GTF2I: variants seen among roughly 807,000 people sequenced by gnomAD.
GTF2I encodes general transcription factor II-I.
Under a neutral mutation model 67.6 loss-of-function variants are expected in GTF2I, and 12 were observed. That is an observed-to-expected ratio of 0.18 (90% CI 0.11 to 0.29). The LOEUF is 0.29. GTF2I is among the 10% of genes least tolerant of loss of function. The pLI, the probability that GTF2I is intolerant of heterozygous loss-of-function variation, is 1.00. For synonymous variants in GTF2I, 149 were observed against 197.0 expected, an observed-to-expected ratio of 0.76 and a Z score of 2.04; for missense variants, 271 against 580.1, an observed-to-expected ratio of 0.47 and a Z score of 5.47.
At position 74,680,160 on chromosome 7, in the gene GTF2I, A is replaced by G. The variant is rs1490480229; in HGVS notation, c.-5-8964A>G. On this transcript the variant is annotated intron_variant, in intron 1 of 34. Transcript: ENST00000573035. Reference sequence around the variant, plus strand: ...TACACATATATATATGTATGTATATACACACATATATATAATTTTATATAT... The same window carrying G: ...TACACATATATATATGTATGTATATGCACACATATATATAATTTTATATAT... Among the ~76,000 whole-genome samples the G allele has an allele frequency of 2.1e-5, 3 of 145,208 alleles. No individual in the cohort carries two copies. In the East Asian group the frequency reaches 5.9e-4, roughly 28 times the overall value.
intron 9 of GTF2I, among the ~76,000 whole-genome samples, chr7:74,711,491 T>G (rs1791534911): frequency 6.6e-6 from 1 of 152,174 alleles, no homozygotes; most frequent in Non-Finnish European, 1.5e-5. Context: ...AAAAATCTGG[T>G]TAGCTTTGCC....
chr7:74,720,652 G>A (rs1792840739), intron 12 of GTF2I, among the ~76,000 whole-genome samples: 1 of 151,886 alleles, frequency 6.6e-6, no homozygotes, highest in Non-Finnish European at 1.5e-5. Flanking sequence ...GATATTAATA[G>A]GAGGTTATTA....
chr7:74,719,911 C>T (rs1405761244), intron 12 of GTF2I, among the ~76,000 whole-genome samples: 3 of 151,964 alleles, frequency 2.0e-5, no homozygotes, highest in African/African-American at 7.2e-5. Context: ...CAGAGTGAAA[C>T]TCCATCTCAA....
chr7:74,732,771 A>G (rs1794606786), intron 15 of GTF2I, 109 bp downstream of exon 15: 3 of 1,441,732 alleles, frequency 2.1e-6, no homozygotes, highest in African/African-American at 1.5e-5. Flanking sequence ...ATGAAGTTTG[A>G]GTTATTTTAT....
At chr7:74,702,477 C>T (rs1411440291) in intron 6 of GTF2I, among the ~76,000 whole-genome samples, 4 of 152,112 alleles carry the variant, frequency 2.6e-5, no homozygotes, top group African/African-American at 9.7e-5. Context: ...CAAGGGAGGC[C>T]TCTCAAAGTG....
At chr7:74,686,815 A>G (rs1554395623) in intron 1 of GTF2I, among the ~76,000 whole-genome samples, 1 of 152,090 alleles carries the variant, frequency 6.6e-6, no homozygotes, top group East Asian at 1.9e-4. Flanking sequence ...GTCTCTAGTC[A>G]GGGACCCTTG....
intron 3 of GTF2I, among the ~76,000 whole-genome samples, chr7:74,698,389 C>CTTT (rs67968753): frequency 1.1e-4 from 6 of 55,906 alleles, no homozygotes; most frequent in Non-Finnish European, 1.2e-4. Flanking sequence ...CGCACCTGGC[C>CTTT]TTTTTTTTTT....
intron 9 of GTF2I, among the ~76,000 whole-genome samples, chr7:74,714,174 A>C (rs1260885708): frequency 6.6e-6 from 1 of 152,182 alleles, no homozygotes; most frequent in Non-Finnish European, 1.5e-5. Flanking sequence ...TTATTATTTT[A>C]ATCATTAAAA....
At chr7:74,661,284 T>C (rs1290221707) in intron 1 of GTF2I, among the ~76,000 whole-genome samples, 2 of 152,192 alleles carry the variant, frequency 1.3e-5, no homozygotes, top group Non-Finnish European at 2.9e-5. Context: ...CCAGGTGGTG[T>C]TGATGGTGGC....
intron 1 of GTF2I, among the ~76,000 whole-genome samples, chr7:74,686,086 A>G (rs1185769867): frequency 6.6e-6 from 1 of 152,192 alleles, no homozygotes; most frequent in Non-Finnish European, 1.5e-5. Context: ...GGAAGCAACC[A>G]ATCAGAGGCT....
chr7:74,709,682 T>TC (rs1198271622), intron 8 of GTF2I, among the ~76,000 whole-genome samples: 7 of 152,028 alleles, frequency 4.6e-5, no homozygotes, highest in Non-Finnish European at 1.0e-4. Flanking sequence ...TTCTTTATTT[T>TC]TTTTTTTTGA....
intron 1 of GTF2I, among the ~76,000 whole-genome samples, chr7:74,661,434 C>G (rs868971837): frequency 2.2e-4 from 33 of 152,220 alleles, no homozygotes; most frequent in African/African-American, 6.7e-4. Flanking sequence ...AATCCCAGCA[C>G]TTTGGGAGGC....
chr7:74,664,276 T>C (rs190769979), intron 1 of GTF2I, among the ~76,000 whole-genome samples: 1 of 152,178 alleles, frequency 6.6e-6, no homozygotes, highest in African/African-American at 2.4e-5. Context: ...TTTTCTCCTC[T>C]GTAAAATTCT....
intron 1 of GTF2I, among the ~76,000 whole-genome samples, chr7:74,681,503 A>AT (rs1371112776): frequency 1.3e-5 from 2 of 152,140 alleles, no homozygotes; most frequent in East Asian, 3.8e-4. Flanking sequence ...CATAGCTGTT[A>AT]TTTTTTGTGT....
chr7:74,684,081 C>A (rs1418417228), intron 1 of GTF2I, among the ~76,000 whole-genome samples: 1 of 152,142 alleles, frequency 6.6e-6, no homozygotes, highest in African/African-American at 2.4e-5. Flanking sequence ...CAGGAAAAGA[C>A]TCCATGGGCC....
intron 6 of GTF2I, 107 bp from the exon 7 acceptor site, chr7:74,705,057 A>T: frequency 1.4e-6 from 1 of 726,176 alleles, no homozygotes; most frequent in Non-Finnish European, 2.4e-6. Flanking sequence ...TGTGATCCAG[A>T]GCTGCAAAGC....
chr7:74,681,152 A>G (rs1554394026), intron 1 of GTF2I, among the ~76,000 whole-genome samples: 1 of 152,046 alleles, frequency 6.6e-6, no homozygotes, highest in African/African-American at 2.4e-5. Context: ...AAAAAATGGG[A>G]GGCTGGGCGC....
intron 1 of GTF2I, among the ~76,000 whole-genome samples, chr7:74,667,673 G>A (rs915618060): frequency 1.3e-5 from 2 of 151,450 alleles, no homozygotes; most frequent in South Asian, 2.1e-4. Flanking sequence ...ATGCCACCAC[G>A]TCTGGCTTGA....
chr7:74,680,126 G>GTATATACACATATATATATA (rs1227570058), intron 1 of GTF2I, among the ~76,000 whole-genome samples: 2 of 122,968 alleles, frequency 1.6e-5, no homozygotes, highest in African/African-American at 6.0e-5. Context: ...ATGTATGTAT[G>GTATATACACATATATATATA]TATGTATATA....
Sources: gnomAD v4.1 joint callset for allele counts (sites outside exome capture counted in the v4.1 genomes callset) on GRCh38, gnomAD v4.1.1 for gene constraint, MANE v1.5 for transcripts, NCBI Gene and HGNC (gene_info 2026-07-23, HGNC 2026-07-21) for gene names.